Variants in SV2C observed in about 807,000 individuals in gnomAD.
SV2C encodes synaptic vesicle glycoprotein 2C.
SV2C carries 49 observed loss-of-function variants against 79.7 expected under a neutral mutation model. The ratio of observed to expected loss-of-function variants is 0.61; its 90% CI spans 0.49 to 0.78. SV2C has a LOEUF of 0.78. SV2C is among the 30% of genes least tolerant of loss of function. The pLI is 0.00. For missense variants in SV2C, 833 were observed against 912.9 expected, an observed-to-expected ratio of 0.91 and a Z score of 1.13; for synonymous variants, 334 against 333.2, an observed-to-expected ratio of 1.00 and a Z score of -0.03.
chr5:76,231,837 C>T (rs1481989503), intron 4 of SV2C, among the ~76,000 whole-genome samples: 9 of 146,292 alleles, frequency 6.2e-5, no homozygotes, highest in South Asian at 2.1e-4. Flanking sequence ...CAGTCTATCA[C>T]TGTTGGACAT....
intron 2 of SV2C, among the ~76,000 whole-genome samples, chr5:76,149,310 G>T (rs1020236305): frequency 6.6e-6 from 1 of 152,202 alleles, no homozygotes; most frequent in African/African-American, 2.4e-5. Flanking sequence ...GAAACACCAT[G>T]ACCTAGACCA....
At chr5:75,916,972 T>A in the SV2C span, among the ~76,000 whole-genome samples, 1 of 152,180 alleles carries the variant, frequency 6.6e-6, no homozygotes, top group Non-Finnish European at 1.5e-5. Flanking sequence ...TGGAAGCAAC[T>A]CTGAGTTGTG....
At chr5:75,916,287 TCCTCCC>T in the SV2C span, among the ~76,000 whole-genome samples, 1 of 136,598 alleles carries the variant, frequency 7.3e-6, no homozygotes, top group African/African-American at 2.8e-5. Context: ...TTCCTCCTCC[TCCTCCC>T]CTTCCCCTTC....
At chr5:76,098,631 G>C (rs934857193) in intron 1 of SV2C, among the ~76,000 whole-genome samples, 1 of 152,214 alleles carries the variant, frequency 6.6e-6, no homozygotes, top group African/African-American at 2.4e-5. Context: ...TTGGCATACA[G>C]ATGTGTGTGC....
At chr5:76,310,606 G>A (rs543634095) in intron 12 of SV2C, among the ~76,000 whole-genome samples, 1 of 152,172 alleles carries the variant, frequency 6.6e-6, no homozygotes, top group African/African-American at 2.4e-5. Flanking sequence ...GACTTATGAA[G>A]TCCACAGCAA....
the SV2C span, among the ~76,000 whole-genome samples, chr5:75,955,323 G>A: frequency 6.7e-6 from 1 of 149,278 alleles, no homozygotes; most frequent in Non-Finnish European, 1.5e-5. Flanking sequence ...AAATGGTGCT[G>A]GGAAAACTGG....
intron 12 of SV2C, among the ~76,000 whole-genome samples, chr5:76,303,428 C>A (rs1344769412): frequency 6.6e-6 from 1 of 152,150 alleles, no homozygotes; most frequent in Non-Finnish European, 1.5e-5. Flanking sequence ...TGTGCCACTG[C>A]ACTCCAGCCT....
chr5:76,270,898 A>C (rs1010809758), intron 4 of SV2C, among the ~76,000 whole-genome samples: 3 of 151,738 alleles, frequency 2.0e-5, no homozygotes, highest in Non-Finnish European at 2.9e-5. Flanking sequence ...CCTCCCTAGT[A>C]GCTGGGATTA....
At chr5:76,030,102 A>C in the SV2C span, among the ~76,000 whole-genome samples, 1 of 151,962 alleles carries the variant, frequency 6.6e-6, no homozygotes, top group Admixed American at 6.6e-5. Context: ...ATGATTACCT[A>C]TTTATTTTTT....
At chr5:76,146,909 G>T (rs1749454174) in intron 2 of SV2C, among the ~76,000 whole-genome samples, 1 of 151,208 alleles carries the variant, frequency 6.6e-6, no homozygotes, top group African/African-American at 2.4e-5. Context: ...GCTACAACAT[G>T]CATGAACCTG....
At chr5:76,282,611 A>G (rs985034308) in intron 4 of SV2C, among the ~76,000 whole-genome samples, 1 of 152,258 alleles carries the variant, frequency 6.6e-6, no homozygotes, top group Non-Finnish European at 1.5e-5. Flanking sequence ...GAATGCCTCA[A>G]GTGGCTCACA....
At chr5:76,268,068 G>A (rs1746722443) in intron 4 of SV2C, among the ~76,000 whole-genome samples, 1 of 152,228 alleles carries the variant, frequency 6.6e-6, no homozygotes, top group Admixed American at 6.5e-5. Context: ...AAAGTGCAGT[G>A]GAGGGGATCA....
At chr5:76,185,253 G>C (rs961801051) in intron 2 of SV2C, among the ~76,000 whole-genome samples, 2 of 152,250 alleles carry the variant, frequency 1.3e-5, no homozygotes, top group African/African-American at 2.4e-5. Context: ...GCTTTCATGG[G>C]CTGGCATTGA....
chr5:75,882,967 C>G, the SV2C span, among the ~76,000 whole-genome samples: 2 of 150,436 alleles, frequency 1.3e-5, no homozygotes, highest in South Asian at 4.2e-4. Context: ...TATCCAGAAT[C>G]TACAATGAAC....
intron 2 of SV2C, among the ~76,000 whole-genome samples, chr5:76,159,774 C>A (rs1742843344): frequency 6.6e-6 from 1 of 152,032 alleles, no homozygotes; most frequent in Admixed American, 6.6e-5. Context: ...TAACTAATTA[C>A]ATCTGTAATG....
At chr5:75,958,445 C>T in the SV2C span, among the ~76,000 whole-genome samples, 1 of 152,034 alleles carries the variant, frequency 6.6e-6, no homozygotes, top group Non-Finnish European at 1.5e-5. Context: ...CCCTCCTCAA[C>T]TTCTGGGTCC....
At chr5:75,910,230 G>A in the SV2C span, 3 of 420,596 alleles carry the variant, frequency 7.1e-6, no homozygotes, top group Non-Finnish European at 1.4e-5. Context: ...TGAGTTCAAG[G>A]CCAGCCTGGG....
At chr5:75,989,934 T>C in the SV2C span, among the ~76,000 whole-genome samples, 2 of 151,632 alleles carry the variant, frequency 1.3e-5, no homozygotes, top group African/African-American at 4.8e-5. Context: ...CATGTATGTC[T>C]TCTTTTGGGA....
the SV2C span, among the ~76,000 whole-genome samples, chr5:75,969,414 G>A: frequency 1.3e-5 from 2 of 152,118 alleles, no homozygotes; most frequent in East Asian, 3.8e-4. Flanking sequence ...TAAGTGTGCT[G>A]TATTCAGGAA....
Sources: allele counts gnomAD v4.1 joint callset (sites outside exome capture counted in the v4.1 genomes callset), GRCh38; gene constraint gnomAD v4.1.1; transcripts MANE v1.5; gene names NCBI Gene and HGNC (gene_info 2026-07-23, HGNC 2026-07-21).